Variants in PPP6C observed in about 807,000 individuals in gnomAD.
PPP6C encodes the protein serine/threonine-protein phosphatase 6 catalytic subunit.
In PPP6C, 11 loss-of-function variants were observed where a neutral mutation model predicts 39.8. The observed-to-expected ratio is 0.28, with a 90% CI of 0.17 to 0.46. The LOEUF is 0.46. Among genes scored for constraint, PPP6C ranks in the 20% least tolerant of loss-of-function variants. PPP6C has a pLI of 1.00. For synonymous variants in PPP6C, 129 were observed against 130.3 expected, an observed-to-expected ratio of 0.99 and a Z score of 0.07; for missense variants, 211 against 373.9, an observed-to-expected ratio of 0.56 and a Z score of 3.59.
At chr9:125,162,944 G>A (rs182835251) in intron 2 of PPP6C, among the ~76,000 whole-genome samples, 18 of 152,014 alleles carry the variant, frequency 1.2e-4, no homozygotes, top group Non-Finnish European at 2.2e-4. Context: ...CAGGCGTGGC[G>A]GCGGGCACCT....
Position 125,158,358 on chromosome 9 carries a change from A to G in PPP6C, c.262T>C (p.Tyr88His), listed in dbSNP as rs745554441. The G allele has an allele frequency of 2.5e-6, 4 of 1,613,636 alleles. No homozygotes were observed. The highest frequency in any genetic ancestry group is 3.4e-6 in the Non-Finnish European group (4 of 1,179,664). ...AGGTAAGTGAAGGTCTCCAAACTAT[A>G]GTAACCTCTGTCTACAAAATCACCC... is the stretch of plus-strand genomic sequence containing the variant. ...FMGDFVDRGY[Y>H]SLETFTYLLA... Residue 88 changes from tyrosine to histidine, a missense_variant, in exon 4 of 7, where the codon TAT becomes CAT. By Grantham distance (83) the Tyr-to-His change is moderately conservative (BLOSUM62 2). Around this residue, in one of 2 missense-constraint regions of PPP6C, gnomAD observed 168 missense variants for 342.6 expected, o/e 0.49. Coordinates refer to ENST00000373547, the MANE Select transcript of PPP6C (RefSeq NM_002721.5).
At chr9:125,158,726 A>G (rs1836144755) in intron 3 of PPP6C, among the ~76,000 whole-genome samples, 1 of 151,712 alleles carries the variant, frequency 6.6e-6, no homozygotes, top group Admixed American at 6.6e-5. Flanking sequence ...CAGTGGCACA[A>G]TCTCGGTTCA....
intron 1 of PPP6C, among the ~76,000 whole-genome samples, chr9:125,186,810 T>TC (rs1309080430): frequency 6.6e-6 from 1 of 151,248 alleles, no homozygotes; most frequent in Non-Finnish European, 1.5e-5. Flanking sequence ...CAAATACAAG[T>TC]CAAGTACAAT....
At chr9:125,164,722 C>T (rs1001624052) in intron 2 of PPP6C, among the ~76,000 whole-genome samples, 1 of 152,148 alleles carries the variant, frequency 6.6e-6, no homozygotes, top group African/African-American at 2.4e-5. Flanking sequence ...CATATATGTA[C>T]CACTTTACCC....
intron 1 of PPP6C, among the ~76,000 whole-genome samples, chr9:125,181,096 C>G (rs951917312): frequency 1.3e-5 from 2 of 152,100 alleles, no homozygotes; most frequent in Non-Finnish European, 2.9e-5. Context: ...GCTTACAAAT[C>G]GCTATCACGC....
At chr9:125,163,090 A>G (rs1193285848) in intron 2 of PPP6C, among the ~76,000 whole-genome samples, 1 of 152,102 alleles carries the variant, frequency 6.6e-6, no homozygotes. Context: ...AAAAAAAAAA[A>G]GTGTTATGAC....
intron 1 of PPP6C, among the ~76,000 whole-genome samples, chr9:125,172,720 AACACACACACACAC>A (rs72238242): frequency 4.1e-4 from 60 of 144,702 alleles, no homozygotes; most frequent in Admixed American, 3.9e-3. Flanking sequence ...AATACACACA[AACACACACACACAC>A]ACACACACAC....
intron 1 of PPP6C, among the ~76,000 whole-genome samples, chr9:125,178,303 A>G (rs1276250167): frequency 6.6e-6 from 1 of 152,154 alleles, no homozygotes; most frequent in Non-Finnish European, 1.5e-5. Flanking sequence ...CCACATCTTC[A>G]TCAGCATTTG....
Position 125,172,752 on chromosome 9 carries a change from A to ACAAAC in PPP6C, c.76-1573_76-1572insGTTTG, listed in dbSNP as rs1829203436. ...ACACACACACACACACACACACACA[A>ACAAAC]ACACACACACACACACACAAACACA... On this transcript the variant is annotated intron_variant, in intron 1 of 6. Transcript: ENST00000373547. Among the ~76,000 whole-genome samples, 5 of 108,300 alleles carry ACAAAC rather than the reference A, an allele frequency of 4.6e-5. No homozygotes were observed. The Admixed American group carries it at 4.7e-4, about 10-fold the overall frequency. The allele number at this position is 108,300 out of a possible 152,430, so 71.0% of individuals were successfully genotyped here. A position where few individuals can be genotyped will look rare whatever the true frequency, so the allele number is the denominator to read the frequency against.
intron 2 of PPP6C, among the ~76,000 whole-genome samples, 187 bp from the exon 3 acceptor site, chr9:125,161,093 TCA>T (rs540803932): frequency 4.8e-4 from 73 of 152,164 alleles, no homozygotes; most frequent in Admixed American, 1.8e-3. Flanking sequence ...TAAATAAAGC[TCA>T]GTTACCATAA....
intron 6 of PPP6C, among the ~76,000 whole-genome samples, chr9:125,152,754 C>T (rs1399958960): frequency 1.3e-5 from 2 of 150,988 alleles, no homozygotes; most frequent in South Asian, 4.2e-4. Context: ...CGCTTGAATC[C>T]AGGAGGCAGA....
chr9:125,166,574 C>A (rs1004879615), intron 2 of PPP6C, among the ~76,000 whole-genome samples: 1 of 150,050 alleles, frequency 6.7e-6, no homozygotes, highest in African/African-American at 2.5e-5. Flanking sequence ...ACTCTGTCAC[C>A]CAGGCTGGAG....
chr9:125,176,534 G>A (rs567241837), intron 1 of PPP6C, among the ~76,000 whole-genome samples: 7 of 152,308 alleles, frequency 4.6e-5, no homozygotes, highest in African/African-American at 1.7e-4. Flanking sequence ...GCATGTGCCT[G>A]AAGTCCCAGA....
intron 1 of PPP6C, among the ~76,000 whole-genome samples, chr9:125,171,484 T>TAC (rs1829160698): frequency 1.9e-5 from 1 of 52,080 alleles, no homozygotes; most frequent in South Asian, 6.1e-4. Context: ...CACACATATA[T>TAC]ATATATATAT....
At chr9:125,186,027 C>G (rs1829523834) in intron 1 of PPP6C, among the ~76,000 whole-genome samples, 1 of 152,022 alleles carries the variant, frequency 6.6e-6, no homozygotes, top group East Asian at 1.9e-4. Flanking sequence ...GTGATGTGAC[C>G]ATTTCCAACT....
chr9:125,158,674 C>G (rs1174487058), intron 3 of PPP6C, among the ~76,000 whole-genome samples: 1 of 145,220 alleles, frequency 6.9e-6, no homozygotes, highest in South Asian at 2.2e-4. Flanking sequence ...TCTTTTTTTT[C>G]TTTTTTTGAG....
Position 125,160,733 on chromosome 9 carries a change from C to T in PPP6C, c.237+108G>A, listed in dbSNP as rs149216301. The T allele has an allele frequency of 7.0e-5, 53 of 754,014 alleles. 1 individual carries two copies. The South Asian group carries it at 1.1e-3, about 16-fold the overall frequency. 46.7% of individuals were successfully genotyped at this position (754,014 alleles called of 1,614,324 possible). A position where few individuals can be genotyped will look rare whatever the true frequency, so the allele number is the denominator to read the frequency against. The stretch of plus-strand genomic sequence containing the variant: ...GGACTAATACACATCTTTTAATATA[C>T]TGAAATAGGGACTGTCACATGGTAA... On this transcript the variant is annotated intron_variant, in intron 3 of 6. Transcript: ENST00000373547.
rs1835887115 is a variant in PPP6C, at chr9:125,149,507, C to T, written c.*166G>A. ...TGATAGAAAAACTTTGCTATAGACA[C>T]CACAACAAACAATAAATTTAGATAA... On this transcript the variant is annotated 3_prime_UTR_variant, in exon 7 of 7. Coordinates refer to ENST00000373547, the MANE Select transcript of PPP6C (RefSeq NM_002721.5). The T allele has an allele frequency of 2.3e-6, 2 of 882,810 alleles. No homozygotes were observed. Among genetic ancestry groups the T allele is most frequent in the African/African-American group, 1.7e-5 (1 of 58,422 alleles). 54.7% of individuals were successfully genotyped at this position (882,810 alleles called of 1,614,324 possible). A position where few individuals can be genotyped will look rare whatever the true frequency, so the allele number is the denominator to read the frequency against.
At chr9:125,171,829 C>G (rs1829175529) in intron 1 of PPP6C, 2 of 453,972 alleles carry the variant, frequency 4.4e-6, no homozygotes, top group African/African-American at 4.0e-5. Context: ...GCTGGGATTA[C>G]AGGCGTCAGC....
Sources: gnomAD v4.1 joint callset for allele counts (sites outside exome capture counted in the v4.1 genomes callset) on GRCh38, gnomAD v4.1.1 for gene constraint, gnomAD v4.1.1 regional missense constraint, MANE v1.5 for transcripts, NCBI Gene and HGNC (gene_info 2026-07-23, HGNC 2026-07-21) for gene names.